Variants in KCNQ1 observed in about 807,000 individuals in gnomAD.
KCNQ1 encodes potassium voltage-gated channel subfamily KQT member 1.
KCNQ1 carries 49 observed loss-of-function variants against 72.4 expected under a neutral mutation model. That is an observed-to-expected ratio of 0.68 (90% CI 0.54 to 0.86). KCNQ1 has a LOEUF of 0.86. KCNQ1 is among the 40% of genes least tolerant of loss of function. KCNQ1 has a pLI of 0.00. For synonymous variants in KCNQ1, 450 were observed against 412.6 expected, an observed-to-expected ratio of 1.09 and a Z score of -1.10; for missense variants, 790 against 945.1, an observed-to-expected ratio of 0.84 and a Z score of 2.15.
rs753256800 is a variant in KCNQ1 at position 2,662,023 on chromosome 11, G to A, written c.1456G>A (p.Ala486Thr). 25 of 1,614,222 alleles carry A rather than the reference G, an allele frequency of 1.5e-5. No individual in the cohort carries two copies. Among genetic ancestry groups the A allele is most frequent in the South Asian group, 7.7e-5 (7 of 91,092 alleles). Residue 486 changes from alanine to threonine, a missense_variant, in exon 11 of 16, where the codon GCC becomes ACC. Coordinates refer to ENST00000155840, the MANE Select transcript of KCNQ1 (RefSeq NM_000218.3). Reference protein sequence around the residue: ...MPHFMRTNSFAEDLDLEGETL... With the variant: ...MPHFMRTNSFTEDLDLEGETL... Reference sequence around the variant, plus strand: ...CCATTTCATGAGAACCAACAGCTTCGCCGAGGACCTGGACCTGGAAGGGGA... The same window carrying A: ...CCATTTCATGAGAACCAACAGCTTCACCGAGGACCTGGACCTGGAAGGGGA...
intron 10 of KCNQ1, chr11:2,639,286 T>G (rs1589997705): frequency 6.6e-6 from 1 of 152,158 alleles, no homozygotes; most frequent in African/African-American, 2.4e-5. Context: ...TGGGGAGAGG[T>G]GCTCTGAGTT....
At chr11:2,512,832 A>C (rs1002780706) in intron 1 of KCNQ1, among the ~76,000 whole-genome samples, 17 of 152,090 alleles carry the variant, frequency 1.1e-4, no homozygotes, top group Non-Finnish European at 1.3e-4. Context: ...TAGCCGTGGG[A>C]GTTGGCGTGT....
At position 2,657,528 on chromosome 11, in the gene KCNQ1, AG is replaced by A; in HGVS notation, c.1394-4432del. The A allele has an allele frequency of 2.5e-6, 1 of 398,612 alleles. No individual in the cohort carries two copies. Among genetic ancestry groups the A allele is most frequent in the Non-Finnish European group, 4.4e-6 (1 of 226,060 alleles). 24.7% of individuals were successfully genotyped at this position (398,612 alleles called of 1,614,324 possible). On this transcript the variant is annotated intron_variant, in intron 10 of 15. Coordinates refer to ENST00000155840, the MANE Select transcript of KCNQ1 (RefSeq NM_000218.3). This position sits in a 1 kb window ranked among gnomAD's most constrained non-coding sequence, Gnocchi z 4.8. ...CAGAAGAGAAACAAAAATAGTACCG[AG>A]TACCCACATCCCTTTCACCAGCTTC...
chr11:2,685,992 C>T (rs1368879333), intron 11 of KCNQ1: 1 of 398,730 alleles, frequency 2.5e-6, no homozygotes, highest in African/African-American at 2.1e-5. Context: ...CCTCAGACTC[C>T]ACACCAAGAA....
rs936161071 is a variant in KCNQ1, at chr11:2,671,126, G to C, written c.1514+9045G>C. On this transcript the variant is annotated intron_variant, in intron 11 of 15. Coordinates refer to ENST00000155840, the MANE Select transcript of KCNQ1 (RefSeq NM_000218.3). This position sits in a 1 kb window ranked among gnomAD's most constrained non-coding sequence, Gnocchi z 4.7. ...TCTGAGCAGTTAGTCTGTCAGGCCTGGTTGGTCCCATGGGAGGCCTGAGGT... is the reference window on the plus strand; with the variant it reads ...TCTGAGCAGTTAGTCTGTCAGGCCTCGTTGGTCCCATGGGAGGCCTGAGGT... The C allele has an allele frequency of 7.5e-6, 3 of 398,650 alleles. No homozygotes were observed. The highest frequency in any genetic ancestry group is 1.3e-5 in the Non-Finnish European group (3 of 226,108). 24.7% of individuals were successfully genotyped at this position (398,650 alleles called of 1,614,324 possible).
rs1328344341 is a variant in KCNQ1 at position 2,508,534 on chromosome 11, G to A, written c.387-19394G>A. Among the ~76,000 whole-genome samples, 3 of 152,038 alleles carry A rather than the reference G, an allele frequency of 2.0e-5. No individual in the cohort carries two copies. The highest frequency in any genetic ancestry group is 4.4e-5 in the Non-Finnish European group (3 of 67,946). On this transcript the variant is annotated intron_variant, in intron 1 of 15. Coordinates refer to ENST00000155840, the MANE Select transcript of KCNQ1 (RefSeq NM_000218.3). This position sits in a 1 kb window ranked among gnomAD's most constrained non-coding sequence, Gnocchi z 6.2. Reference sequence around the variant, plus strand: ...TGATGATATAACCAGCTGGGTGTTCGCACCTGAGAGGTTTCGGGGCAGGGT... The same window carrying A: ...TGATGATATAACCAGCTGGGTGTTCACACCTGAGAGGTTTCGGGGCAGGGT...
At chr11:2,798,963 G>T (rs929742149) in intron 15 of KCNQ1, among the ~76,000 whole-genome samples, 1 of 152,166 alleles carries the variant, frequency 6.6e-6, no homozygotes, top group African/African-American at 2.4e-5. Context: ...GGGTACCCGC[G>T]TGAAGGGTAC....
Position 2,782,504 on chromosome 11 carries a change from A to AT in KCNQ1, c.1794+4471dup, listed in dbSNP as rs1846840758. 6.6e-6 allele frequency among the ~76,000 whole-genome samples: 1 copy of AT among 152,290 alleles called. No individual in the cohort carries two copies. The highest frequency in any genetic ancestry group is 2.4e-5 in the African/African-American group (1 of 41,556). ...GTTCCCTCTTTTCCTATATTGGGAT[A>AT]TTTTGTATAAGATTAGAATTTTATT... is the stretch of plus-strand genomic sequence containing the variant. On this transcript the variant is annotated intron_variant, in intron 15 of 15. Transcript: ENST00000155840. The surrounding 1 kb of genome is among the most constrained non-coding windows in gnomAD (Gnocchi z 6.1).
chr11:2,575,354 C>A (rs1169768469), intron 6 of KCNQ1, among the ~76,000 whole-genome samples: 1 of 152,144 alleles, frequency 6.6e-6, no homozygotes, highest in African/African-American at 2.4e-5. Flanking sequence ...CCCCGCGCCC[C>A]TGGTCGCCCT....
Position 2,451,723 on chromosome 11 carries a change from C to T in KCNQ1, c.386+6239C>T, listed in dbSNP as rs1846121373. Among the ~76,000 whole-genome samples, 2 of 152,198 alleles carry T rather than the reference C, an allele frequency of 1.3e-5. No individual in the cohort carries two copies. The highest frequency in any genetic ancestry group is 1.3e-4 in the Admixed American group (2 of 15,288). ...GAGCTGACTCCAGGACAGGCCCCTG[C>T]CCGCTCTGGGACCTGGGGCCTGGGC... On this transcript the variant is annotated intron_variant, in intron 1 of 15. Transcript: ENST00000155840. This position sits in a 1 kb window ranked among gnomAD's most constrained non-coding sequence, Gnocchi z 6.4.
intron 15 of KCNQ1, among the ~76,000 whole-genome samples, chr11:2,832,505 C>T (rs1040880329): frequency 3.9e-5 from 6 of 152,220 alleles, no homozygotes; most frequent in African/African-American, 1.2e-4. Flanking sequence ...CTCACCTTCC[C>T]CTACTGCAAG....
In KCNQ1 at chr11:2,602,737, T is replaced by C. The variant is rs1272690115; in HGVS notation, c.1393+13883T>C. ...TTTTGTATTCTATGCAGTGAAATTC[T>C]TGTTGATATCATTTTTCCATTTCCC... On this transcript the variant is annotated intron_variant, in intron 10 of 15. Coordinates refer to ENST00000155840, the MANE Select transcript of KCNQ1 (RefSeq NM_000218.3). This position sits in a 1 kb window ranked among gnomAD's most constrained non-coding sequence, Gnocchi z 4.8. 6.6e-6 allele frequency among the ~76,000 whole-genome samples: 1 copy of C among 152,254 alleles called. No homozygotes were observed. Among genetic ancestry groups the C allele is most frequent in the Non-Finnish European group, 1.5e-5 (1 of 68,050 alleles).
At position 2,691,951 on chromosome 11, in the gene KCNQ1, A is replaced by C; in HGVS notation, c.1514+29870A>C. 2 of 398,582 alleles carry C rather than the reference A, an allele frequency of 5.0e-6. No homozygotes were observed. The highest frequency in any genetic ancestry group is 7.1e-5 in the East Asian group (2 of 28,076). The allele number at this position is 398,582 out of a possible 1,614,324, so 24.7% of individuals were successfully genotyped here. A position where few individuals can be genotyped will look rare whatever the true frequency, so the allele number is the denominator to read the frequency against. ...TTTTCCCTTCTGGCATGGCCACTAA[A>C]TGCCAGTGCCTTTCTCTATGCAAAC... is the stretch of plus-strand genomic sequence containing the variant. On this transcript the variant is annotated intron_variant, in intron 11 of 15. Coordinates refer to ENST00000155840, the MANE Select transcript of KCNQ1 (RefSeq NM_000218.3). The surrounding 1 kb of genome is among the most constrained non-coding windows in gnomAD (Gnocchi z 6.4).
chr11:2,708,723 C>T (rs1316585391), intron 11 of KCNQ1, among the ~76,000 whole-genome samples: 2 of 151,924 alleles, frequency 1.3e-5, no homozygotes, highest in South Asian at 2.1e-4. Context: ...TTGCGGGGGG[C>T]GGTCCATTTC....
At chr11:2,469,452 T>C (rs1469049641) in intron 1 of KCNQ1, among the ~76,000 whole-genome samples, 1 of 151,970 alleles carries the variant, frequency 6.6e-6, no homozygotes, top group Non-Finnish European at 1.5e-5. Flanking sequence ...ATTTGTATTT[T>C]AGTAGAGACA....
At chr11:2,831,805 A>C (rs1847957612) in intron 15 of KCNQ1, among the ~76,000 whole-genome samples, 1 of 144,238 alleles carries the variant, frequency 6.9e-6, no homozygotes, top group Non-Finnish European at 1.5e-5. Context: ...TACAGCGAGG[A>C]AGTGGCCACT....
At position 2,848,633 on chromosome 11, in the gene KCNQ1, C is replaced by T. The variant is rs1291190960; in HGVS notation, c.*630C>T. ...GGACAGTCTCACCATTTCCCCAGGGCACGTGGTTGAGTGGGGGGAACGCCC... is the reference window on the plus strand; with the variant it reads ...GGACAGTCTCACCATTTCCCCAGGGTACGTGGTTGAGTGGGGGGAACGCCC... On this transcript the variant is annotated 3_prime_UTR_variant, in exon 16 of 16. Transcript: ENST00000155840. 6 of 452,168 alleles carry T rather than the reference C, an allele frequency of 1.3e-5. No homozygotes were observed. The highest frequency in any genetic ancestry group is 2.7e-5 in the Non-Finnish European group (6 of 225,264). 28.0% of individuals were successfully genotyped at this position (452,168 alleles called of 1,614,324 possible).
chr11:2,559,895 T>TGTGTGGCTTCCGCTGGTTTCCTGG lies in KCNQ1; in HGVS notation c.478-10727_478-10704dup, dbSNP rs1848133330. ...CATGGGAAGTCAGGGTGGGGCCTGG[T>TGTGTGGCTTCCGCTGGTTTCCTGG]GTGTGGCTTCCGCTGGTTTCCTGGG... On this transcript the variant is annotated intron_variant, in intron 2 of 15. Transcript: ENST00000155840. This position sits in a 1 kb window ranked among gnomAD's most constrained non-coding sequence, Gnocchi z 4.9. 6.6e-6 allele frequency among the ~76,000 whole-genome samples: 1 copy of TGTGTGGCTTCCGCTGGTTTCCTGG among 151,656 alleles called. No homozygotes were observed. The highest frequency in any genetic ancestry group is 2.4e-5 in the African/African-American group (1 of 41,270).
In KCNQ1 at chr11:2,657,406, C is replaced by T; in HGVS notation, c.1394-4555C>T. The T allele has an allele frequency of 2.5e-6, 1 of 398,508 alleles. No individual in the cohort carries two copies. The highest frequency in any genetic ancestry group is 4.4e-6 in the Non-Finnish European group (1 of 226,028). 24.7% of individuals were successfully genotyped at this position (398,508 alleles called of 1,614,324 possible). ...TCTTACTAAAGTTTTACAATTTTCT[C>T]CAGAGTTCTTGCATATACTTAGTTA... On this transcript the variant is annotated intron_variant, in intron 10 of 15. Coordinates refer to ENST00000155840, the MANE Select transcript of KCNQ1 (RefSeq NM_000218.3). The surrounding 1 kb of genome is among the most constrained non-coding windows in gnomAD (Gnocchi z 4.8).
Sources: allele counts gnomAD v4.1 joint callset (sites outside exome capture counted in the v4.1 genomes callset), GRCh38; gene constraint gnomAD v4.1.1; non-coding constraint Gnocchi (gnomAD v3.1); transcripts MANE v1.5; gene names NCBI Gene and HGNC (gene_info 2026-07-23, HGNC 2026-07-21).